The following NAV2 variants were observed in gnomAD, a reference collection of about 807,000 sequenced individuals.
NAV2 encodes the protein helicase, APC down-regulated 1.
In NAV2, 54 loss-of-function variants were observed where a neutral mutation model predicts 223.2. That is an observed-to-expected ratio of 0.24 (90% CI 0.19 to 0.30). NAV2 has a LOEUF of 0.30. Ranked by LOEUF, NAV2 falls within the 10% of genes least tolerant of loss-of-function variation. The pLI is 1.00. For synonymous variants in NAV2, 1,279 were observed against 1,239.3 expected (o/e 1.03, Z -0.67); for missense variants, 2,806 against 3,147.5 (o/e 0.89, Z 2.60).
At chr11:19,972,983 G>T (rs12786819) in intron 10 of NAV2, among the ~76,000 whole-genome samples, 15,074 of 152,188 alleles carry the variant, frequency 0.099, 1,041 homozygotes, top group Non-Finnish European at 0.15. Context: ...AAATCTAGTT[G>T]TTCGCTGAGG....
At chr11:19,404,793 T>G (rs4497385) in intron 1 of NAV2, among the ~76,000 whole-genome samples, 10,911 of 152,280 alleles carry the variant, frequency 0.072, 541 homozygotes, top group Non-Finnish European at 0.1. Flanking sequence ...TTCCTTCCAA[T>G]GAATTCATGA....
intron 11 of NAV2, among the ~76,000 whole-genome samples, chr11:20,007,318 G>A (rs1203017817): frequency 6.6e-6 from 1 of 151,962 alleles, no homozygotes; most frequent in Non-Finnish European, 1.5e-5. Context: ...AGAATTAGGT[G>A]ATTAAGTAAA....
intron 35 of NAV2, among the ~76,000 whole-genome samples, chr11:20,106,175 A>ATGTGTGTGTGTGTGTGTG (rs1201940130): frequency 1.4e-4 from 5 of 35,842 alleles, no homozygotes; most frequent in Admixed American, 7.4e-4. Context: ...ATATATATAT[A>ATGTGTGTGTGTGTGTGTG]TGTGTGTGTA....
At chr11:19,508,409 T>C (rs570316240) in intron 1 of NAV2, among the ~76,000 whole-genome samples, 1 of 152,364 alleles carries the variant, frequency 6.6e-6, no homozygotes, top group African/African-American at 2.4e-5. Context: ...ACCAGCCCCT[T>C]GGACTTCCTG....
At chr11:19,404,689 C>T (rs1849821440) in intron 1 of NAV2, among the ~76,000 whole-genome samples, 1 of 152,166 alleles carries the variant, frequency 6.6e-6, no homozygotes, top group African/African-American at 2.4e-5. Context: ...TGCCTGCTCT[C>T]AGAAAACACT....
At chr11:19,495,316 C>T (rs1031185555) in intron 1 of NAV2, among the ~76,000 whole-genome samples, 1 of 152,176 alleles carries the variant, frequency 6.6e-6, no homozygotes, top group Admixed American at 6.5e-5. Context: ...CTGCCCCTGC[C>T]ATCCAGATGC....
intron 10 of NAV2, among the ~76,000 whole-genome samples, chr11:19,963,397 G>A (rs1011374890): frequency 1.3e-5 from 2 of 152,162 alleles, no homozygotes; most frequent in Non-Finnish European, 2.9e-5. Context: ...CCTATAGGAT[G>A]GCAGTTTACT....
chr11:19,563,882 G>A (rs2045180632), intron 1 of NAV2, among the ~76,000 whole-genome samples: 1 of 151,952 alleles, frequency 6.6e-6, no homozygotes, highest in African/African-American at 2.4e-5. Context: ...AGGTAAAGCA[G>A]GAAAAATGCT....
At chr11:19,879,030 A>G (rs1031057994) in intron 4 of NAV2, among the ~76,000 whole-genome samples, 2 of 152,170 alleles carry the variant, frequency 1.3e-5, no homozygotes, top group African/African-American at 4.8e-5. Flanking sequence ...CCTCACGCTC[A>G]GTAGCCCCAG....
Position 20,036,117 on chromosome 11 carries a change from C to T in NAV2, c.2907+20C>T. ...GTGCAGGTGAGGAACACAGGCCCTC[C>T]CAGGCTCCTCCAGCAGCCTCTGGCA... On this transcript the variant is annotated intron_variant, in intron 12 of 37. Coordinates refer to ENST00000349880, the MANE Select transcript of NAV2 (RefSeq NM_145117.5). 1 of 1,613,974 alleles carries T rather than the reference C, an allele frequency of 6.2e-7. No individual in the cohort carries two copies. Among genetic ancestry groups the T allele is most frequent in the African/African-American group, 1.3e-5 (1 of 75,042 alleles).
At chr11:20,112,410 G>T (rs1480676415) in intron 36 of NAV2, among the ~76,000 whole-genome samples, 1 of 152,194 alleles carries the variant, frequency 6.6e-6, no homozygotes. Context: ...ATAGGAGGCT[G>T]CATGACTTAA....
intron 1 of NAV2, among the ~76,000 whole-genome samples, chr11:19,638,159 A>T (rs1590749523): frequency 1.3e-5 from 2 of 152,314 alleles, no homozygotes; most frequent in East Asian, 3.9e-4. Flanking sequence ...TTTCTACATG[A>T]TCCTACTTCC....
At chr11:20,051,210 G>T (rs1011318850) in intron 16 of NAV2, 79 bp from the exon 17 acceptor site, 3 of 1,247,470 alleles carry the variant, frequency 2.4e-6, no homozygotes, top group Non-Finnish European at 3.5e-6. Context: ...GGGCCCTTCA[G>T]TCCCCTCCCT....
At chr11:19,549,686 G>A (rs1461364751) in intron 1 of NAV2, among the ~76,000 whole-genome samples, 1 of 152,234 alleles carries the variant, frequency 6.6e-6, no homozygotes, top group Admixed American at 6.5e-5. Flanking sequence ...AGAATTCCAC[G>A]GGAGTGGTGT....
chr11:20,113,936 C>T (rs996027066), intron 36 of NAV2, among the ~76,000 whole-genome samples: 4 of 152,126 alleles, frequency 2.6e-5, no homozygotes, highest in Non-Finnish European at 4.4e-5. Context: ...CACTTGAGCC[C>T]GGGAGATTGA....
At chr11:19,860,450 G>T (rs1376252151) in intron 3 of NAV2, among the ~76,000 whole-genome samples, 1 of 148,122 alleles carries the variant, frequency 6.8e-6, no homozygotes, top group African/African-American at 2.5e-5. Context: ...GGGCAGAGAC[G>T]CTCCTCACTT....
chr11:19,901,657 A>C (rs1183128507), intron 6 of NAV2, among the ~76,000 whole-genome samples: 1 of 152,224 alleles, frequency 6.6e-6, no homozygotes, highest in Non-Finnish European at 1.5e-5. Context: ...ACATAGCAGG[A>C]GATTAATAAA....
intron 1 of NAV2, among the ~76,000 whole-genome samples, chr11:19,684,735 G>A (rs74483426): frequency 0.014 from 2,130 of 152,228 alleles, 49 homozygotes; most frequent in African/African-American, 0.049. Context: ...CCAGTCCTGA[G>A]TCTCATCATA....
intron 1 of NAV2, among the ~76,000 whole-genome samples, chr11:19,364,485 A>G (rs1415782242): frequency 6.6e-6 from 1 of 152,194 alleles, no homozygotes; most frequent in East Asian, 1.9e-4. Context: ...GTGTTCTGAA[A>G]GCAGCCAGTG....
Sources: gnomAD v4.1 joint callset for allele counts (sites outside exome capture counted in the v4.1 genomes callset) on GRCh38, gnomAD v4.1.1 for gene constraint, MANE v1.5 for transcripts, NCBI Gene and HGNC (gene_info 2026-07-23, HGNC 2026-07-21) for gene names.